ATP8A2: variants seen among roughly 807,000 people sequenced by gnomAD.
ATP8A2 encodes the protein phospholipid-transporting ATPase IB.
A neutral mutation model predicts 165.6 loss-of-function variants in ATP8A2; 100 were observed. That is an observed-to-expected ratio of 0.60 (90% confidence interval 0.51 to 0.71). The LOEUF is 0.71. Ranked by LOEUF, ATP8A2 falls within the 30% of genes least tolerant of loss-of-function variation. ATP8A2 has a pLI of 0.00. For synonymous variants in ATP8A2, 543 were observed against 548.8 expected, an observed-to-expected ratio of 0.99 and a Z score of 0.15; for missense variants, 1,227 against 1,479.5, an observed-to-expected ratio of 0.83 and a Z score of 2.80.
chr13:25,530,875 A>G (rs9581378), intron 4 of ATP8A2, among the ~76,000 whole-genome samples: 9,689 of 152,088 alleles, frequency 0.064, 398 homozygotes, highest in South Asian at 0.13. Context: ...GTTTTCAAAT[A>G]TTAGGTCTCT....
At position 25,488,090 on chromosome 13, in the gene ATP8A2, G is replaced by A. The variant is rs977628515; in HGVS notation, c.221+18969G>A. The stretch of plus-strand genomic sequence containing the variant: ...ATGCCTAGGACACAGTACAGTGGCC[G>A]TGGATATCGTATATCCCTTCCTGTT... On this transcript the variant is annotated intron_variant, in intron 2 of 36. Transcript: ENST00000381655. 7.2e-5 allele frequency among the ~76,000 whole-genome samples: 11 copies of A among 152,190 alleles called. No homozygotes were observed. In the South Asian group the frequency reaches 1.2e-3, roughly 17 times the overall value.
At chr13:25,695,289 C>T (rs895677070) in intron 24 of ATP8A2, among the ~76,000 whole-genome samples, 1 of 152,284 alleles carries the variant, frequency 6.6e-6, no homozygotes, top group African/African-American at 2.4e-5. Context: ...ATCGCCTAAG[C>T]CTTCAGCAAG....
intron 33 of ATP8A2, among the ~76,000 whole-genome samples, chr13:25,940,075 G>A (rs1294010300): frequency 6.6e-6 from 1 of 152,108 alleles, no homozygotes; most frequent in Non-Finnish European, 1.5e-5. Context: ...GAAGGGCTGT[G>A]GCTCCTGCCC....
chr13:25,966,715 G>C (rs975492308), intron 34 of ATP8A2, among the ~76,000 whole-genome samples: 1 of 152,214 alleles, frequency 6.6e-6, no homozygotes, highest in East Asian at 1.9e-4. Flanking sequence ...GACATGCTCA[G>C]ACCATTGCCC....
At chr13:25,880,402 G>A (rs1468827161) in intron 33 of ATP8A2, among the ~76,000 whole-genome samples, 1 of 151,164 alleles carries the variant, frequency 6.6e-6, no homozygotes, top group Non-Finnish European at 1.5e-5. Context: ...AAAAGGAAGA[G>A]GGGAAAAATG....
In ATP8A2 at chr13:25,658,436, G is replaced by A. The variant is rs149867070; in HGVS notation, c.2212-40737G>A. 5.1e-3 allele frequency among the ~76,000 whole-genome samples: 770 copies of A among 152,168 alleles called. 4 individuals carry two copies. The highest frequency in any genetic ancestry group is 0.017 in the African/African-American group (705 of 41,508). On this transcript the variant is annotated intron_variant, in intron 24 of 36. Coordinates refer to ENST00000381655, the MANE Select transcript of ATP8A2 (RefSeq NM_016529.6). The stretch of plus-strand genomic sequence containing the variant: ...GCAGATCACCTGAGATCAGGAGTTC[G>A]AGACCAGCCTGGCCAATATGGTGAA...
chr13:25,672,561 TA>T (rs35134475), intron 24 of ATP8A2, among the ~76,000 whole-genome samples: 1 of 152,172 alleles, frequency 6.6e-6, no homozygotes, highest in Admixed American at 6.5e-5. Context: ...GTTCTTTTTT[TA>T]AAAAAAGGAC....
chr13:25,381,575 AC>A, intron 1 of ATP8A2, among the ~76,000 whole-genome samples: 1 of 152,322 alleles, frequency 6.6e-6, no homozygotes, highest in South Asian at 2.1e-4. Context: ...GAAATTATGG[AC>A]TGTGATAATA....
At chr13:26,018,122 TCAACTCTCAGGC>T (rs1395962059) in intron 36 of ATP8A2, among the ~76,000 whole-genome samples, 1 of 152,142 alleles carries the variant, frequency 6.6e-6, no homozygotes, top group Non-Finnish European at 1.5e-5. Flanking sequence ...ATGTCCTCAG[TCAACTCTCAGGC>T]CACCTCTGCA....
intron 33 of ATP8A2, chr13:25,871,116 T>C (rs966067682): frequency 6.1e-6 from 2 of 327,536 alleles, no homozygotes; most frequent in Non-Finnish European, 1.2e-5. Context: ...AGTGGTTTTT[T>C]TTTTTCTTCA....
chr13:25,807,173 A>G (rs990395264), intron 27 of ATP8A2, among the ~76,000 whole-genome samples: 6 of 151,280 alleles, frequency 4.0e-5, no homozygotes, highest in African/African-American at 1.5e-4. Context: ...TTTTTAGCAC[A>G]AATGTTTGTA....
At chr13:25,813,884 G>A (rs142832760) in intron 27 of ATP8A2, among the ~76,000 whole-genome samples, 12 of 152,270 alleles carry the variant, frequency 7.9e-5, no homozygotes, top group Non-Finnish European at 1.8e-4. Context: ...GAGAGCAGAA[G>A]ACTGACCCTC....
At chr13:25,468,173 G>A (rs150704985) in intron 1 of ATP8A2, among the ~76,000 whole-genome samples, 20 of 152,278 alleles carry the variant, frequency 1.3e-4, no homozygotes, top group African/African-American at 4.6e-4. Context: ...TGGGGGGCAG[G>A]GGTTTGGGTC....
At chr13:25,645,657 ATTTAT>A (rs1305063044) in intron 24 of ATP8A2, among the ~76,000 whole-genome samples, 9 of 152,024 alleles carry the variant, frequency 5.9e-5, no homozygotes, top group African/African-American at 2.2e-4. Flanking sequence ...TTTTCCTATA[ATTTAT>A]TTATTGATCC....
At chr13:25,766,309 A>G (rs1264330130) in intron 25 of ATP8A2, among the ~76,000 whole-genome samples, 1 of 152,242 alleles carries the variant, frequency 6.6e-6, no homozygotes, top group Admixed American at 6.5e-5. Flanking sequence ...TTAAGTAGGT[A>G]AAGTCAAATA....
chr13:25,991,562 G>A (rs145277451), intron 35 of ATP8A2, among the ~76,000 whole-genome samples: 62 of 152,182 alleles, frequency 4.1e-4, no homozygotes, highest in African/African-American at 1.4e-3. Context: ...TGATTTTGTC[G>A]TTTCAAGAAT....
rs1414087792 is a variant in ATP8A2, at chr13:26,012,510, A to G, written c.3378-21A>G. ...CGAGTGTTCAGGTGACAAGAGACTG[A>G]CGCGCTTGCTTTATCCGCAGGCTGA... On this transcript the variant is annotated intron_variant, in intron 35 of 36. Transcript: ENST00000381655. 4.6e-6 allele frequency: 7 copies of G among 1,535,706 alleles called. No homozygotes were observed. The Admixed American group carries it at 6.1e-5, about 13-fold the overall frequency.
chr13:25,918,470 G>A (rs1019703377), intron 33 of ATP8A2, among the ~76,000 whole-genome samples: 2 of 152,150 alleles, frequency 1.3e-5, no homozygotes, highest in African/African-American at 2.4e-5. Context: ...AAAAGCCAAC[G>A]TGGTATATTA....
chr13:25,846,442 G>C (rs948343526), intron 30 of ATP8A2, among the ~76,000 whole-genome samples: 3 of 152,148 alleles, frequency 2.0e-5, no homozygotes, highest in African/African-American at 7.2e-5. Context: ...GTCGGAATGA[G>C]GTAGGAGAAG....
Sources: allele counts gnomAD v4.1 joint callset (sites outside exome capture counted in the v4.1 genomes callset), GRCh38; gene constraint gnomAD v4.1.1; transcripts MANE v1.5; gene names NCBI Gene and HGNC (gene_info 2026-07-23, HGNC 2026-07-21).